TCF7L1: variants seen among roughly 807,000 people sequenced by gnomAD.
TCF7L1 encodes transcription factor 7 like 1, also known as transcription factor 7-like 1.
A neutral mutation model predicts 63.7 loss-of-function variants in TCF7L1; 18 were observed. The ratio of observed to expected loss-of-function variants is 0.28; its 90% CI spans 0.20 to 0.42. The LOEUF (loss-of-function observed/expected upper bound fraction) is 0.42. Ranked by LOEUF, TCF7L1 falls within the 10% of genes least tolerant of loss-of-function variation. TCF7L1 has a pLI of 1.00. For missense variants in TCF7L1, 654 were observed against 779.3 expected (o/e 0.84, Z 1.91); for synonymous variants, 355 against 340.9 (o/e 1.04, Z -0.46).
At chr2:85,161,105 C>A (rs538779254) in intron 3 of TCF7L1, among the ~76,000 whole-genome samples, 5 of 152,240 alleles carry the variant, frequency 3.3e-5, no homozygotes, top group African/African-American at 1.2e-4. Flanking sequence ...TCAGAAAAAT[C>A]GCTTCCCCTG....
intron 3 of TCF7L1, among the ~76,000 whole-genome samples, chr2:85,279,524 A>T (rs1681362459): frequency 6.6e-6 from 1 of 152,174 alleles, no homozygotes; most frequent in Non-Finnish European, 1.5e-5. Context: ...GTGGAAGAGG[A>T]TTACAAGGGT....
intron 3 of TCF7L1, among the ~76,000 whole-genome samples, chr2:85,261,756 G>A (rs1680861797): frequency 6.6e-6 from 1 of 152,064 alleles, no homozygotes; most frequent in African/African-American, 2.4e-5. Context: ...GTGTGGTGAT[G>A]TGTGCCTATA....
At chr2:85,298,652 G>C (rs909554249) in intron 4 of TCF7L1, among the ~76,000 whole-genome samples, 1 of 152,136 alleles carries the variant, frequency 6.6e-6, no homozygotes, top group Non-Finnish European at 1.5e-5. Flanking sequence ...ATTTAGGTCT[G>C]AGGTGGCTCT....
chr2:85,183,950 A>G (rs1678859641), intron 3 of TCF7L1, among the ~76,000 whole-genome samples: 1 of 152,196 alleles, frequency 6.6e-6, no homozygotes, highest in African/African-American at 2.4e-5. Flanking sequence ...GAAGAGGGAA[A>G]GTCAAGGGGC....
At chr2:85,272,378 A>C (rs2104357528) in intron 3 of TCF7L1, among the ~76,000 whole-genome samples, 1 of 152,374 alleles carries the variant, frequency 6.6e-6, no homozygotes, top group Non-Finnish European at 1.5e-5. Flanking sequence ...ATGAAAAAGG[A>C]ACTAATAAAA....
intron 3 of TCF7L1, among the ~76,000 whole-genome samples, chr2:85,266,517 C>T (rs889366443): frequency 6.6e-5 from 10 of 152,234 alleles, no homozygotes; most frequent in Non-Finnish European, 1.3e-4. Flanking sequence ...ATGCCCAGCC[C>T]AGGAGGATCT....
rs573906807 is a variant in TCF7L1 at position 85,266,995 on chromosome 2, G to A, written c.442-16500G>A. ...TATCTGAGGAGTGCCAGGATGGGCTGCAGGAGTGGTATGTTTTCTTCTCTT... is the reference window on the plus strand; with the variant it reads ...TATCTGAGGAGTGCCAGGATGGGCTACAGGAGTGGTATGTTTTCTTCTCTT... On this transcript the variant is annotated intron_variant, in intron 3 of 11. Transcript: ENST00000282111. Among the ~76,000 whole-genome samples, 5 of 152,300 alleles carry A rather than the reference G, an allele frequency of 3.3e-5. No homozygotes were observed. The South Asian group carries it at 1.0e-3, about 32-fold the overall frequency.
intron 3 of TCF7L1, among the ~76,000 whole-genome samples, chr2:85,143,125 G>A (rs1487374307): frequency 6.6e-6 from 1 of 152,184 alleles, no homozygotes; most frequent in African/African-American, 2.4e-5. Flanking sequence ...GACAGGAAAT[G>A]AGCTCACACT....
At chr2:85,226,862 G>A (rs1679967411) in intron 3 of TCF7L1, among the ~76,000 whole-genome samples, 1 of 134,036 alleles carries the variant, frequency 7.5e-6, no homozygotes, top group Non-Finnish European at 1.5e-5. Flanking sequence ...CTTTCTCCAT[G>A]TCATTCTCGT....
intron 3 of TCF7L1, among the ~76,000 whole-genome samples, chr2:85,221,930 T>C (rs750473081): frequency 3.3e-4 from 43 of 131,014 alleles, no homozygotes; most frequent in Non-Finnish European, 5.6e-4. Flanking sequence ...AAATCCAGAC[T>C]TAAAAAAAAA....
At chr2:85,192,174 C>T (rs1679048506) in intron 3 of TCF7L1, among the ~76,000 whole-genome samples, 1 of 152,178 alleles carries the variant, frequency 6.6e-6, no homozygotes, top group Non-Finnish European at 1.5e-5. Flanking sequence ...CCCTATTTCA[C>T]CCTAATGAAG....
chr2:85,212,049 C>T (rs1301863054), intron 3 of TCF7L1, among the ~76,000 whole-genome samples: 3 of 145,248 alleles, frequency 2.1e-5, no homozygotes, highest in African/African-American at 5.2e-5. Flanking sequence ...GAGATCACGC[C>T]GCTGCACTCC....
rs758125224 is a variant in TCF7L1 at position 85,133,897 on chromosome 2, C to T, written c.213C>T (p.Asn71=). Residue 71 remains asparagine (N), a synonymous_variant, in exon 1 of 12, where the codon AAC becomes AAT. Transcript: ENST00000282111. The surrounding 1 kb of genome is among the most constrained non-coding windows in gnomAD (Gnocchi z 4.4). The stretch of plus-strand genomic sequence containing the variant: ...ACGAGGTCAAGTCGTCCCTGGTCAA[C>T]GAGTCGGAGAACCAGAGCAGCAGCT... The part of the protein sequence containing the change: ...DLDEVKSSLV[N]ESENQSSSSD... The T allele has an allele frequency of 2.0e-6, 3 of 1,521,780 alleles. No individual in the cohort carries two copies. The highest frequency in any genetic ancestry group is 1.4e-5 in the African/African-American group (1 of 71,762). The allele number at this position is 1,521,780 out of a possible 1,614,324, so 94.3% of individuals were successfully genotyped here. A position where few individuals can be genotyped will look rare whatever the true frequency, so the allele number is the denominator to read the frequency against.
chr2:85,217,914 A>G lies in TCF7L1; in HGVS notation c.442-65581A>G, dbSNP rs555092254. Among the ~76,000 whole-genome samples, 4 of 152,314 alleles carry G rather than the reference A, an allele frequency of 2.6e-5. No homozygotes were observed. In the South Asian group the frequency reaches 8.3e-4, roughly 32 times the overall value. On this transcript the variant is annotated intron_variant, in intron 3 of 11. Transcript: ENST00000282111. ...ATTTTGTATTTTCGATTTTGGGGTT[A>G]GGGATGCTCAACTTGTACTAGCATT...
intron 3 of TCF7L1, among the ~76,000 whole-genome samples, chr2:85,259,586 G>A (rs1382741318): frequency 6.6e-6 from 1 of 152,196 alleles, no homozygotes; most frequent in Non-Finnish European, 1.5e-5. Flanking sequence ...ATTGAAGATT[G>A]TGTGTCTCAA....
chr2:85,261,610 A>C (rs1680858418), intron 3 of TCF7L1, among the ~76,000 whole-genome samples: 1 of 152,226 alleles, frequency 6.6e-6, no homozygotes, highest in South Asian at 2.1e-4. Flanking sequence ...GCTAAAAAGA[A>C]GCCAAGCGTG....
chr2:85,215,002 A>G (rs967432875), intron 3 of TCF7L1, among the ~76,000 whole-genome samples: 1 of 152,162 alleles, frequency 6.6e-6, no homozygotes, highest in Admixed American at 6.5e-5. Flanking sequence ...AAATAATGGC[A>G]AGTCTCTTCC....
At chr2:85,146,176 A>G (rs1677876112) in intron 3 of TCF7L1, among the ~76,000 whole-genome samples, 1 of 152,076 alleles carries the variant, frequency 6.6e-6, no homozygotes, top group African/African-American at 2.4e-5. Flanking sequence ...CGCTGTTCTA[A>G]CTCTTCCTAC....
At chr2:85,278,955 A>G (rs952536613) in intron 3 of TCF7L1, among the ~76,000 whole-genome samples, 1 of 152,250 alleles carries the variant, frequency 6.6e-6, no homozygotes, top group Non-Finnish European at 1.5e-5. Flanking sequence ...GATGCCATTC[A>G]TCACCATTTC....
Sources: allele counts gnomAD v4.1 joint callset (sites outside exome capture counted in the v4.1 genomes callset), GRCh38; gene constraint gnomAD v4.1.1; non-coding constraint Gnocchi (gnomAD v3.1); transcripts MANE v1.5; gene names NCBI Gene and HGNC (gene_info 2026-07-23, HGNC 2026-07-21).